Variants in SRRM4 observed in about 807,000 individuals in gnomAD.
The protein encoded by SRRM4 is serine/arginine repetitive matrix protein 4.
SRRM4 carries 33 observed loss-of-function variants against 68.9 expected under a neutral mutation model. The observed-to-expected ratio is 0.48, with a 90% CI of 0.36 to 0.64. SRRM4 has a LOEUF of 0.64. SRRM4 is among the 30% of genes least tolerant of loss of function. The probability of loss-of-function intolerance (pLI) is 0.00; values close to 1 mark genes in which losing one functional copy is unlikely to be tolerated. For synonymous variants in SRRM4, 318 were observed against 318.8 expected (o/e 1.00, Z 0.03); for missense variants, 817 against 827.1 (o/e 0.99, Z 0.15).
At chr12:119,106,331 T>C (rs1954107453) in intron 2 of SRRM4, among the ~76,000 whole-genome samples, 1 of 152,196 alleles carries the variant, frequency 6.6e-6, no homozygotes. Flanking sequence ...AGTAGTTTTT[T>C]CCAGTTCTGT....
chr12:119,099,222 C>T (rs1260687835), intron 1 of SRRM4, among the ~76,000 whole-genome samples: 1 of 152,134 alleles, frequency 6.6e-6, no homozygotes, highest in African/African-American at 2.4e-5. Flanking sequence ...GCAACCTCTG[C>T]TTCCTGGGTT....
intron 1 of SRRM4, among the ~76,000 whole-genome samples, chr12:119,096,062 G>T (rs111824844): frequency 1.3e-5 from 2 of 150,678 alleles, no homozygotes; most frequent in East Asian, 2.0e-4. Context: ...GCTCTGTGGC[G>T]CAGGCTGGAG....
intron 1 of SRRM4, among the ~76,000 whole-genome samples, chr12:119,038,468 C>T (rs1367895377): frequency 6.6e-6 from 1 of 152,180 alleles, no homozygotes; most frequent in Non-Finnish European, 1.5e-5. Flanking sequence ...ACCTCGGCCT[C>T]CCAAAGTGCT....
At chr12:119,066,188 C>G (rs1953844676) in intron 1 of SRRM4, among the ~76,000 whole-genome samples, 1 of 152,270 alleles carries the variant, frequency 6.6e-6, no homozygotes, top group East Asian at 1.9e-4. Flanking sequence ...AGCTTCTTCT[C>G]TGGGTAATAA....
chr12:119,155,108 G>C (rs1954464103), intron 12 of SRRM4, among the ~76,000 whole-genome samples: 1 of 152,256 alleles, frequency 6.6e-6, no homozygotes, highest in Non-Finnish European at 1.5e-5. Context: ...AACGTGCTTT[G>C]TAAACTTGAA....
Position 119,154,246 on chromosome 12 carries a change from G to A in SRRM4, c.1395G>A (p.Glu465=). 1 of 1,603,462 alleles carries A rather than the reference G, an allele frequency of 6.2e-7. No homozygotes were observed. Among genetic ancestry groups the A allele is most frequent in the Non-Finnish European group, 8.5e-7 (1 of 1,174,420 alleles). The change falls in exon 12 of 13, where the codon GAG becomes GAA. Residue 465 remains glutamate (E), a synonymous_variant. Transcript: ENST00000267260. This position sits in a 1 kb window ranked among gnomAD's most constrained non-coding sequence, Gnocchi z 4.7. The stretch of plus-strand genomic sequence containing the variant: ...GTAACCCCCCGCGCCCCTTCAGGGA[G>A]CGGGATCCCAAATACAGTGAGAAGG... ...PSYSRYSPSR[E]RDPKYSEKDS...
At chr12:119,025,817 A>T (rs978118328) in intron 1 of SRRM4, among the ~76,000 whole-genome samples, 1 of 152,092 alleles carries the variant, frequency 6.6e-6, no homozygotes, top group Non-Finnish European at 1.5e-5. Flanking sequence ...TCAGACCTCC[A>T]TGAAAATGAT....
At chr12:119,104,621 C>T (rs1341231442) in intron 2 of SRRM4, among the ~76,000 whole-genome samples, 2 of 152,000 alleles carry the variant, frequency 1.3e-5, no homozygotes, top group Non-Finnish European at 2.9e-5. Context: ...ATGTTTCTTC[C>T]CATCTTGTTG....
intron 2 of SRRM4, among the ~76,000 whole-genome samples, chr12:119,103,502 C>T (rs1414876205): frequency 6.6e-6 from 1 of 152,046 alleles, no homozygotes; most frequent in Non-Finnish European, 1.5e-5. Flanking sequence ...TGAAGTCTAC[C>T]CCACCACCTA....
chr12:119,143,894 G>A (rs1468362965), intron 8 of SRRM4, among the ~76,000 whole-genome samples: 3 of 152,108 alleles, frequency 2.0e-5, no homozygotes, highest in Admixed American at 1.3e-4. Flanking sequence ...CATAGGGATG[G>A]TTATCTCTGG....
chr12:119,065,463 G>C (rs879476344), intron 1 of SRRM4, among the ~76,000 whole-genome samples: 2 of 152,140 alleles, frequency 1.3e-5, no homozygotes, highest in African/African-American at 2.4e-5. Flanking sequence ...GTGGCCAGGT[G>C]CGGTGGTTCA....
At chr12:118,998,101 T>C (rs1222570364) in intron 1 of SRRM4, among the ~76,000 whole-genome samples, 1 of 151,992 alleles carries the variant, frequency 6.6e-6, no homozygotes, top group Non-Finnish European at 1.5e-5. Flanking sequence ...CGGATCTATA[T>C]TTAATGGACA....
rs1310318591 is a variant in SRRM4 at position 119,155,000 on chromosome 12, T to C, written c.1532+617T>C. Among the ~76,000 whole-genome samples, 1 of 152,160 alleles carries C rather than the reference T, an allele frequency of 6.6e-6. No homozygotes were observed. Among genetic ancestry groups the C allele is most frequent in the Non-Finnish European group, 1.5e-5 (1 of 68,028 alleles). On this transcript the variant is annotated intron_variant, in intron 12 of 12. Coordinates refer to ENST00000267260, the MANE Select transcript of SRRM4 (RefSeq NM_194286.4). The surrounding 1 kb of genome is among the most constrained non-coding windows in gnomAD (Gnocchi z 4.7). The stretch of plus-strand genomic sequence containing the variant: ...ACTTTGCAGGTGACCTAGGAAAGGC[T>C]CTTACCTTCCTGAGCCTCAGTTTTC...
intron 1 of SRRM4, among the ~76,000 whole-genome samples, chr12:118,996,295 C>A (rs2135991338): frequency 6.6e-6 from 1 of 152,248 alleles, no homozygotes; most frequent in Non-Finnish European, 1.5e-5. Context: ...TCTCTGAGGT[C>A]TTTTGCTGTG....
At chr12:119,148,855 G>A (rs955128770) in intron 9 of SRRM4, among the ~76,000 whole-genome samples, 4 of 152,184 alleles carry the variant, frequency 2.6e-5, no homozygotes, top group African/African-American at 9.7e-5. Flanking sequence ...CCACTTATGA[G>A]CAGAGAGGGC....
intron 1 of SRRM4, among the ~76,000 whole-genome samples, chr12:118,989,067 G>A (rs7966299): frequency 0.69 from 105,451 of 151,804 alleles, 37,933 homozygotes; most frequent in Middle Eastern, 0.88. Flanking sequence ...CCAGGATGCA[G>A]GCAGAAAACA....
chr12:119,046,540 A>G (rs1342512424), intron 1 of SRRM4, among the ~76,000 whole-genome samples: 2 of 152,012 alleles, frequency 1.3e-5, no homozygotes, highest in South Asian at 2.1e-4. Flanking sequence ...TTTTTTATAC[A>G]TGATTCACAG....
At chr12:119,022,355 G>T (rs1953521576) in intron 1 of SRRM4, among the ~76,000 whole-genome samples, 1 of 152,168 alleles carries the variant, frequency 6.6e-6, no homozygotes, top group African/African-American at 2.4e-5. Flanking sequence ...TAGATGCTAA[G>T]GATTCAGTCA....
At chr12:119,152,878 A>G (rs1310683412) in intron 10 of SRRM4, among the ~76,000 whole-genome samples, 1 of 152,212 alleles carries the variant, frequency 6.6e-6, no homozygotes, top group Non-Finnish European at 1.5e-5. Flanking sequence ...ATGCACAACA[A>G]TATAGTCTAC....
Sources: allele counts gnomAD v4.1 joint callset (sites outside exome capture counted in the v4.1 genomes callset), GRCh38; gene constraint gnomAD v4.1.1; non-coding constraint Gnocchi (gnomAD v3.1); transcripts MANE v1.5; gene names NCBI Gene and HGNC (gene_info 2026-07-23, HGNC 2026-07-21).